The following SPTB variants were observed in gnomAD, a reference collection of about 807,000 sequenced individuals.
SPTB encodes spectrin beta chain, erythrocytic.
SPTB carries 45 observed loss-of-function variants against 256.2 expected under a neutral mutation model. The ratio of observed to expected loss-of-function variants is 0.18; its 90% confidence interval spans 0.14 to 0.23. The LOEUF (loss-of-function observed/expected upper bound fraction) is 0.23. SPTB is among the 10% of genes least tolerant of loss of function. SPTB has a pLI of 1.00. For missense variants in SPTB, 2,715 were observed against 3,040.4 expected (o/e 0.89, Z 2.52); for synonymous variants, 1,231 against 1,243.1 (o/e 0.99, Z 0.21).
rs1353729180 is a variant in SPTB at position 64,873,429 on chromosome 14, T to A, written c.-52+6363A>T. Among the ~76,000 whole-genome samples the A allele has an allele frequency of 6.6e-6, 1 of 152,142 alleles. No homozygotes were observed. Among genetic ancestry groups the A allele is most frequent in the East Asian group, 1.9e-4 (1 of 5,202 alleles). On this transcript the variant is annotated intron_variant, in intron 1 of 35. Coordinates refer to ENST00000644917, the MANE Select transcript of SPTB (RefSeq NM_001355436.2). This position sits in a 1 kb window ranked among gnomAD's most constrained non-coding sequence, Gnocchi z 4.3. Reference sequence around the variant, plus strand: ...GGCTGCTGAAGTCCAAAATGAAGCATAAGCACAATAATGCCCAGTAAATTT... The same window carrying A: ...GGCTGCTGAAGTCCAAAATGAAGCAAAAGCACAATAATGCCCAGTAAATTT...
Position 64,785,412 on chromosome 14 carries a change from T to G in SPTB, c.3855+125A>C. ...AATGACCCAATTAAGTACCCAGAGG[T>G]CCCCGCTCATGGAATCCCACAGCTC... On this transcript the variant is annotated intron_variant, in intron 18 of 35. Coordinates refer to ENST00000644917, the MANE Select transcript of SPTB (RefSeq NM_001355436.2). This position sits in a 1 kb window ranked among gnomAD's most constrained non-coding sequence, Gnocchi z 4.4. 1 of 830,074 alleles carries G rather than the reference T, an allele frequency of 1.2e-6. No individual in the cohort carries two copies. 51.4% of individuals were successfully genotyped at this position (830,074 alleles called of 1,614,324 possible).
chr14:64,762,522 G>T (rs2082109294), intron 32 of SPTB, among the ~76,000 whole-genome samples: 1 of 152,226 alleles, frequency 6.6e-6, no homozygotes, highest in African/African-American at 2.4e-5. Context: ...TCCAGTGCCT[G>T]CTCAGCGCCT....
chr14:64,852,590 A>C lies in SPTB; in HGVS notation c.-52+27202T>G, dbSNP rs1024875744. ...GGCAAGACTCAGGACTTTGGTAGCCAAGATGGTGGGGAGCAATCAGCTTAC... is the reference window on the plus strand; with the variant it reads ...GGCAAGACTCAGGACTTTGGTAGCCCAGATGGTGGGGAGCAATCAGCTTAC... On this transcript the variant is annotated intron_variant, in intron 1 of 35. Transcript: ENST00000644917. This position sits in a 1 kb window ranked among gnomAD's most constrained non-coding sequence, Gnocchi z 4.2. Among the ~76,000 whole-genome samples, 12 of 152,220 alleles carry C rather than the reference A, an allele frequency of 7.9e-5. No homozygotes were observed. The highest frequency in any genetic ancestry group is 2.7e-4 in the African/African-American group (11 of 41,454).
At chr14:64,820,985 C>T (rs887583330) in intron 2 of SPTB, among the ~76,000 whole-genome samples, 6 of 152,018 alleles carry the variant, frequency 3.9e-5, no homozygotes, top group Non-Finnish European at 8.8e-5. Flanking sequence ...GCTTTGTGCT[C>T]GGCTCATTAA....
chr14:64,754,874 C>G (rs892671879), intron 32 of SPTB: 2 of 152,598 alleles, frequency 1.3e-5, no homozygotes, highest in Non-Finnish European at 2.9e-5. Flanking sequence ...CAGCGGGCGG[C>G]CTCCCATTGC....
Position 64,792,748 on chromosome 14 carries a change from A to G in SPTB, c.2666+249T>C, listed in dbSNP as rs527899990. ...TGAGCAAAGACTGCTATTGCTGAAA[A>G]GTAATTGAATAACTGGACTAGATAA... On this transcript the variant is annotated intron_variant, in intron 14 of 35. Transcript: ENST00000644917. The surrounding 1 kb of genome is among the most constrained non-coding windows in gnomAD (Gnocchi z 4.2). Among the ~76,000 whole-genome samples, 1 of 152,312 alleles carries G rather than the reference A, an allele frequency of 6.6e-6. No individual in the cohort carries two copies. Among genetic ancestry groups the G allele is most frequent in the Middle Eastern group, 3.4e-3 (1 of 294 alleles).
chr14:64,875,463 T>C (rs1882774372), intron 1 of SPTB, among the ~76,000 whole-genome samples: 1 of 152,022 alleles, frequency 6.6e-6, no homozygotes, highest in Non-Finnish European at 1.5e-5. Context: ...CAGAGCCAGA[T>C]CTGACAGTTA....
In SPTB at chr14:64,775,547, C is replaced by G; in HGVS notation, c.4564-144G>C. On this transcript the variant is annotated intron_variant, in intron 22 of 35. Coordinates refer to ENST00000644917, the MANE Select transcript of SPTB (RefSeq NM_001355436.2). The surrounding 1 kb of genome is among the most constrained non-coding windows in gnomAD (Gnocchi z 5.0). ...AGCAGGTGATGGCGATAAGAACTAC[C>G]AATGACCTCTTGCGGGCTGCTAAGC... The G allele has an allele frequency of 8.8e-7, 1 of 1,130,996 alleles. No individual in the cohort carries two copies. Among genetic ancestry groups the G allele is most frequent in the Non-Finnish European group, 1.2e-6 (1 of 814,728 alleles). 70.1% of individuals were successfully genotyped at this position (1,130,996 alleles called of 1,614,324 possible).
At chr14:64,863,322 A>C (rs912203741) in intron 1 of SPTB, among the ~76,000 whole-genome samples, 2 of 152,226 alleles carry the variant, frequency 1.3e-5, no homozygotes, top group Non-Finnish European at 2.9e-5. Context: ...AAAATTGCAA[A>C]AGATTCTCAT....
rs1263851209 is a variant in SPTB, at chr14:64,782,563, A to G, written c.4003-10T>C. 5.6e-6 allele frequency: 9 copies of G among 1,612,850 alleles called. No individual in the cohort carries two copies. In the Admixed American group the frequency reaches 1.5e-4, roughly 27 times the overall value. The stretch of plus-strand genomic sequence containing the variant: ...TCAGCTGCTTTCCTTCCTAGGGGCA[A>G]GAAGGAGGAGAGCTCACATTCTGGG... On this transcript the variant is annotated splice_polypyrimidine_tract_variant and intron_variant, in intron 19 of 35. Transcript: ENST00000644917.
rs373600922 is a variant in SPTB at position 64,753,657 on chromosome 14, C to T, written c.6482G>A (p.Ser2161Asn). ...PLFKVLDTPL[S>N]EGDEPATLPA... ...CAGCGTTGCGGGCTCATCACCCTCG[C>T]TCAGAGGCGTATCTAGGACCTTAAA... Residue 2161 changes from serine to asparagine, a missense_variant, in exon 33 of 36, where the codon AGC becomes AAC. This residue lies in a region of SPTB where 2,239 missense variants were observed against 2,384.4 expected (regional missense o/e 0.94). Transcript: ENST00000644917. 1.3e-5 allele frequency: 21 copies of T among 1,613,592 alleles called. No individual in the cohort carries two copies. Among genetic ancestry groups the T allele is most frequent in the Non-Finnish European group, 1.7e-5 (20 of 1,180,048 alleles).
In SPTB at chr14:64,766,882, C is replaced by T. The variant is rs936913851; in HGVS notation, c.6270-81G>A. The T allele has an allele frequency of 6.6e-5, 102 of 1,554,684 alleles. 1 individual carries two copies. The highest frequency in any genetic ancestry group is 5.7e-4 in the Admixed American group (34 of 59,922). On this transcript the variant is annotated intron_variant, in intron 31 of 35. Coordinates refer to ENST00000644917, the MANE Select transcript of SPTB (RefSeq NM_001355436.2). ...CCTGCGAGGCCTGGCTTTTCACCTG[C>T]GCCCACAGGGAGGAGCACCAAATAG...
chr14:64,785,587 G>A lies in SPTB; in HGVS notation c.3805C>T (p.Leu1269=), dbSNP rs778280369. The change falls in exon 18 of 36, where the codon CTA becomes TTA. Residue 1269 remains leucine, a synonymous_variant. Transcript: ENST00000644917. This position sits in a 1 kb window ranked among gnomAD's most constrained non-coding sequence, Gnocchi z 4.4. ...TGTAGCTCCAGGTTGTCTCTCAGTAGGACAGAGGCCTCCTGGGCCTTCTCG... is the reference window on the plus strand; with the variant it reads ...TGTAGCTCCAGGTTGTCTCTCAGTAAGACAGAGGCCTCCTGGGCCTTCTCG... The part of the protein sequence containing the change: ...NNEKAQEASV[L]LRDNLELQNF... 6.2e-7 allele frequency: 1 copy of A among 1,614,094 alleles called. No homozygotes were observed.
At position 64,752,348 on chromosome 14, in the gene SPTB, G is replaced by T. The variant is rs562427231; in HGVS notation, c.6602+1189C>A. The stretch of plus-strand genomic sequence containing the variant: ...GGGCAGGAAGGTGGAGAAACTAGTA[G>T]GGCACATAGGGAGGAAGTTCTGGAA... On this transcript the variant is annotated intron_variant, in intron 33 of 35. Transcript: ENST00000644917. 237 of 947,794 alleles carry T rather than the reference G, an allele frequency of 2.5e-4. 3 individuals carry two copies. The South Asian group carries it at 3.1e-3, about 12-fold the overall frequency. The allele number at this position is 947,794 out of a possible 1,614,324, so 58.7% of individuals were successfully genotyped here. A position where few individuals can be genotyped will look rare whatever the true frequency, so the allele number is the denominator to read the frequency against.
chr14:64,813,701 T>G (rs2083135032), intron 2 of SPTB, among the ~76,000 whole-genome samples: 1 of 152,186 alleles, frequency 6.6e-6, no homozygotes, highest in Admixed American at 6.5e-5. Flanking sequence ...TTTTTTTGTA[T>G]TTTTAGTAGA....
chr14:64,793,416 C>T lies in SPTB; in HGVS notation c.2247G>A (p.Gln749=), dbSNP rs1413476303. The change falls in exon 14 of 36, where the codon CAG becomes CAA. Residue 749 remains glutamine, a synonymous_variant. Transcript: ENST00000644917. The surrounding 1 kb of genome is among the most constrained non-coding windows in gnomAD (Gnocchi z 7.0). ...AAGCCTTCAGGTCATCCGCATCGCC[C>T]TGGAACTGGAAAAAGTTCTCAGCAT... ...LQDAENFFQF[Q]GDADDLKAWL... 2 of 1,613,724 alleles carry T rather than the reference C, an allele frequency of 1.2e-6. No homozygotes were observed. Among genetic ancestry groups the T allele is most frequent in the Admixed American group, 3.3e-5 (2 of 60,030 alleles).
chr14:64,797,901 T>G, intron 9 of SPTB, 55 bp from the exon 10 acceptor site: 1 of 1,406,998 alleles, frequency 7.1e-7, no homozygotes. Flanking sequence ...GGCCAAATTT[T>G]TTTGCTAAAG....
At chr14:64,822,173 C>CA (rs1416337976) in intron 2 of SPTB, among the ~76,000 whole-genome samples, 3 of 150,164 alleles carry the variant, frequency 2.0e-5, no homozygotes, top group Non-Finnish European at 4.4e-5. Flanking sequence ...CCATGTAACT[C>CA]AAACTTTCTT....
At chr14:64,811,515 T>C (rs2083090688) in intron 2 of SPTB, among the ~76,000 whole-genome samples, 1 of 152,236 alleles carries the variant, frequency 6.6e-6, no homozygotes, top group African/African-American at 2.4e-5. Context: ...TTATTAGGTG[T>C]AATAATGGTA....
Sources: gnomAD v4.1 joint callset for allele counts (sites outside exome capture counted in the v4.1 genomes callset) on GRCh38, gnomAD v4.1.1 for gene constraint, gnomAD v4.1.1 regional missense constraint, Gnocchi (gnomAD v3.1) non-coding constraint, MANE v1.5 for transcripts, NCBI Gene and HGNC (gene_info 2026-07-23, HGNC 2026-07-21) for gene names.